Variants in TENM3 observed in about 807,000 individuals in gnomAD.
TENM3 encodes the protein teneurin-3.
Under a neutral mutation model 255.1 loss-of-function variants are expected in TENM3, and 63 were observed. The ratio of observed to expected loss-of-function variants is 0.25; its 90% CI spans 0.20 to 0.30. TENM3 has a LOEUF of 0.30. Among genes scored for constraint, TENM3 ranks in the 10% least tolerant of loss-of-function variants. The pLI, the probability that TENM3 is intolerant of heterozygous loss-of-function variation, is 1.00. For synonymous variants in TENM3, 1,306 were observed against 1,322.3 expected (o/e 0.99, Z 0.27); for missense variants, 2,929 against 3,461.1 (o/e 0.85, Z 3.86).
chr4:181,571,303 A>T, the TENM3 span, among the ~76,000 whole-genome samples: 580 of 152,296 alleles, frequency 3.8e-3, 4 homozygotes, highest in African/African-American at 0.013. Context: ...GGCCATTCAT[A>T]AAATGCTATT....
intron 1 of TENM3, among the ~76,000 whole-genome samples, chr4:182,290,409 A>T (rs747434225): frequency 6.6e-6 from 1 of 152,176 alleles, no homozygotes; most frequent in Non-Finnish European, 1.5e-5. Flanking sequence ...TTATCTCTAC[A>T]ATGCCTAGAA....
At chr4:182,070,471 G>T in the TENM3 span, among the ~76,000 whole-genome samples, 2 of 152,192 alleles carry the variant, frequency 1.3e-5, no homozygotes, top group African/African-American at 4.8e-5. Flanking sequence ...TACAAAATTA[G>T]TTGGGTGTAG....
chr4:182,154,820 C>T (rs1039493794), intron 1 of TENM3, among the ~76,000 whole-genome samples: 2 of 152,098 alleles, frequency 1.3e-5, no homozygotes, highest in Non-Finnish European at 2.9e-5. Context: ...GTATGTAATA[C>T]ACGTGTATGT....
At chr4:181,820,399 A>G in the TENM3 span, 6 of 152,278 alleles carry the variant, frequency 3.9e-5, no homozygotes, top group Admixed American at 2.0e-4. Context: ...CTATTTTCAC[A>G]GTAGATTAAG....
chr4:182,288,029 C>T (rs550845795), intron 1 of TENM3, among the ~76,000 whole-genome samples: 1 of 152,172 alleles, frequency 6.6e-6, no homozygotes, highest in South Asian at 2.1e-4. Flanking sequence ...CCTCTGCCTC[C>T]CGGGTTCAAG....
the TENM3 span, among the ~76,000 whole-genome samples, chr4:181,709,114 C>T: frequency 6.6e-6 from 1 of 152,202 alleles, no homozygotes; most frequent in Non-Finnish European, 1.5e-5. Context: ...TAACGGAAAG[C>T]TGTGTTTCCA....
chr4:182,618,678 G>A (rs1380085311), intron 4 of TENM3, among the ~76,000 whole-genome samples: 1 of 151,396 alleles, frequency 6.6e-6, no homozygotes, highest in Non-Finnish European at 1.5e-5. Flanking sequence ...GCCTAAGATA[G>A]GAGACAGAAG....
At chr4:181,889,920 A>G in the TENM3 span, among the ~76,000 whole-genome samples, 2 of 152,216 alleles carry the variant, frequency 1.3e-5, no homozygotes, top group African/African-American at 2.4e-5. Context: ...TTAATGAATG[A>G]TACAGAAAAA....
chr4:182,360,322 G>A (rs1765871651), intron 3 of TENM3, among the ~76,000 whole-genome samples: 1 of 131,016 alleles, frequency 7.6e-6, no homozygotes, highest in Non-Finnish European at 1.6e-5. Flanking sequence ...ACAGTGGGGT[G>A]TTAAAGTCTC....
the TENM3 span, among the ~76,000 whole-genome samples, chr4:182,014,026 G>A: frequency 0.016 from 463 of 29,466 alleles, 21 homozygotes; most frequent in Middle Eastern, 0.031. Flanking sequence ...GTGTATATAC[G>A]TATATACACA....
At chr4:181,687,306 C>T in the TENM3 span, among the ~76,000 whole-genome samples, 1 of 152,040 alleles carries the variant, frequency 6.6e-6, no homozygotes, top group Admixed American at 6.6e-5. Flanking sequence ...CGATTTAATC[C>T]CACATGCTAA....
the TENM3 span, among the ~76,000 whole-genome samples, chr4:181,479,429 T>C: frequency 1.3e-5 from 2 of 152,156 alleles, no homozygotes; most frequent in Non-Finnish European, 2.9e-5. Context: ...CCCTGTGGTC[T>C]TTGCCAGAGG....
At chr4:182,452,789 G>T (rs1773574039) in intron 3 of TENM3, among the ~76,000 whole-genome samples, 1 of 152,102 alleles carries the variant, frequency 6.6e-6, no homozygotes, top group Non-Finnish European at 1.5e-5. Flanking sequence ...TATCAATTTG[G>T]TATGACAGAT....
intron 22 of TENM3, among the ~76,000 whole-genome samples, chr4:182,770,476 C>T (rs1001774372): frequency 3.3e-5 from 5 of 152,316 alleles, no homozygotes; most frequent in Non-Finnish European, 7.3e-5. Flanking sequence ...CAGCCCCACC[C>T]GGGCCCCTGC....
In TENM3 at chr4:182,628,913, C is replaced by G. The variant is rs777433662; in HGVS notation, c.988+24C>G. The G allele has an allele frequency of 2.9e-6, 4 of 1,366,972 alleles. No homozygotes were observed. The South Asian group carries it at 3.7e-5, about 13-fold the overall frequency. The allele number at this position is 1,366,972 out of a possible 1,614,324, so 84.7% of individuals were successfully genotyped here. A position where few individuals can be genotyped will look rare whatever the true frequency, so the allele number is the denominator to read the frequency against. On this transcript the variant is annotated intron_variant, in intron 5 of 27. Transcript: ENST00000511685. ...AGGTAAGAACAAGTTCTTAGAATTA[C>G]TTTGTCTGTAAATCAGGGTGTTACA...
At chr4:182,142,854 G>C (rs1749565557), upstream of TENM3, 1 of 166,894 alleles carries the variant, frequency 6.0e-6, no homozygotes, top group Non-Finnish European at 1.5e-5. Flanking sequence ...CCCCGTCCCG[G>C]ACCCGAAAGG....
intron 22 of TENM3, among the ~76,000 whole-genome samples, chr4:182,773,216 G>A (rs918546570): frequency 6.6e-6 from 1 of 152,176 alleles, no homozygotes; most frequent in Non-Finnish European, 1.5e-5. Context: ...GAGGATTTTG[G>A]TCACACTTCA....
the TENM3 span, among the ~76,000 whole-genome samples, chr4:181,569,030 G>A: frequency 6.6e-6 from 1 of 152,178 alleles, no homozygotes; most frequent in Non-Finnish European, 1.5e-5. Flanking sequence ...TAATAGCAAG[G>A]AGAAAAGTAA....
At chr4:181,972,463 C>T in the TENM3 span, among the ~76,000 whole-genome samples, 1 of 144,798 alleles carries the variant, frequency 6.9e-6, no homozygotes, top group Non-Finnish European at 1.5e-5. Flanking sequence ...AAAATTCAAA[C>T]TCATTCCTCC....
Sources: gnomAD v4.1 joint callset for allele counts (sites outside exome capture counted in the v4.1 genomes callset) on GRCh38, gnomAD v4.1.1 for gene constraint, MANE v1.5 for transcripts, NCBI Gene and HGNC (gene_info 2026-07-23, HGNC 2026-07-21) for gene names.